The following IFT81 variants were observed in gnomAD, a reference collection of about 807,000 sequenced individuals.
IFT81 encodes intraflagellar transport protein 81 homolog.
Under a neutral mutation model 102.6 loss-of-function variants are expected in IFT81, and 72 were observed. The ratio of observed to expected loss-of-function variants is 0.70; its 90% confidence interval spans 0.58 to 0.85. The LOEUF (loss-of-function observed/expected upper bound fraction) is 0.85. IFT81 is among the 40% of genes least tolerant of loss of function. The pLI is 0.00. For missense variants in IFT81, 723 were observed against 787.3 expected (o/e 0.92, Z 0.98); for synonymous variants, 237 against 242.7 (o/e 0.98, Z 0.22).
At chr12:110,135,280 T>G (rs972395529) in intron 6 of IFT81, 47 bp from the exon 7 acceptor site, 4 of 1,238,694 alleles carry the variant, frequency 3.2e-6, no homozygotes, top group Non-Finnish European at 4.6e-6. Flanking sequence ...GCTAATTTTT[T>G]TCTTCAAACC....
Position 110,191,116 on chromosome 12 carries a change from T to C in IFT81, c.1467+68T>C, listed in dbSNP as rs1295024816. On this transcript the variant is annotated intron_variant, in intron 13 of 18. Coordinates refer to ENST00000242591, the MANE Select transcript of IFT81 (RefSeq NM_014055.4). ...GAAGGCAGGTGTTTTGTGTTAGTTT[T>C]ATTTTCAGTGAAACATTCACCTGTT... The C allele has an allele frequency of 2.9e-6, 4 of 1,379,774 alleles. No homozygotes were observed. In the East Asian group the frequency reaches 9.6e-5, roughly 33 times the overall value. 85.5% of individuals were successfully genotyped at this position (1,379,774 alleles called of 1,614,324 possible).
chr12:110,135,411 C>A lies in IFT81; in HGVS notation c.670C>A (p.Gln224Lys), dbSNP rs185633818. The change falls in exon 7 of 19, where the codon CAA becomes AAA. Residue 224 changes from glutamine to lysine, a missense_variant. Coordinates refer to ENST00000242591, the MANE Select transcript of IFT81 (RefSeq NM_014055.4). ...AAAAGAGAGAGAAGAATATCTTGCA[C>A]AACAGAAACAGGAACAAAAGAATCA... ...VEKEREEYLAQQKQEQKNQLF... is the reference protein window; with the variant it reads ...VEKEREEYLAKQKQEQKNQLF... The A allele has an allele frequency of 6.2e-7, 1 of 1,608,916 alleles. No homozygotes were observed. Among genetic ancestry groups the A allele is most frequent in the Non-Finnish European group, 8.5e-7 (1 of 1,176,334 alleles).
intron 15 of IFT81, chr12:110,204,403 T>G (rs1898459818): frequency 6.5e-6 from 1 of 154,730 alleles, no homozygotes. Flanking sequence ...GAAACCTGTT[T>G]AAAATTTTTG....
intron 10 of IFT81, 42 bp from the exon 11 acceptor site, chr12:110,162,877 A>T: frequency 6.8e-7 from 1 of 1,472,838 alleles, no homozygotes; most frequent in East Asian, 2.3e-5. Context: ...TAGAAAGTTG[A>T]TTGTATATCT....
At chr12:110,213,561 A>C (rs992516203) in intron 18 of IFT81, among the ~76,000 whole-genome samples, 11 of 152,322 alleles carry the variant, frequency 7.2e-5, no homozygotes, top group African/African-American at 2.4e-4. Flanking sequence ...GAAGTTGCAC[A>C]GTGGTAACAT....
chr12:110,143,922 A>G (rs1351077884), intron 9 of IFT81, among the ~76,000 whole-genome samples: 4 of 152,090 alleles, frequency 2.6e-5, no homozygotes, highest in Non-Finnish European at 5.9e-5. Flanking sequence ...TTATATTTAA[A>G]GCTAATATTT....
intron 10 of IFT81, among the ~76,000 whole-genome samples, chr12:110,158,371 G>A (rs1895958235): frequency 6.6e-6 from 1 of 152,120 alleles, no homozygotes; most frequent in South Asian, 2.1e-4. Flanking sequence ...ATGAGCCACT[G>A]TGCCTGGCCT....
intron 14 of IFT81, among the ~76,000 whole-genome samples, chr12:110,193,977 G>A (rs1188328341): frequency 6.6e-6 from 1 of 152,248 alleles, no homozygotes; most frequent in African/African-American, 2.4e-5. Context: ...GGAGGCCTCA[G>A]GAAGCTTACA....
Position 110,165,174 on chromosome 12 carries a change from G to A in IFT81, c.1188+2109G>A, listed in dbSNP as rs779788811. On this transcript the variant is annotated intron_variant, in intron 11 of 18. Transcript: ENST00000242591. ...CTTAATTTTTGAACAATGTCTGGTCGGAAAAGAACAAATCAAGTAAGGTAT... is the reference window on the plus strand; with the variant it reads ...CTTAATTTTTGAACAATGTCTGGTCAGAAAAGAACAAATCAAGTAAGGTAT... Among the ~76,000 whole-genome samples, 5 of 151,972 alleles carry A rather than the reference G, an allele frequency of 3.3e-5. No homozygotes were observed. In the East Asian group the frequency reaches 5.8e-4, roughly 18 times the overall value.
chr12:110,211,052 C>T lies in IFT81; in HGVS notation c.1848+1836C>T, dbSNP rs534822646. Among the ~76,000 whole-genome samples the T allele has an allele frequency of 8.8e-5, 13 of 147,716 alleles. No homozygotes were observed. The South Asian group carries it at 1.1e-3, about 12-fold the overall frequency. On this transcript the variant is annotated intron_variant, in intron 18 of 18. Coordinates refer to ENST00000242591, the MANE Select transcript of IFT81 (RefSeq NM_014055.4). ...TGTATTTTTTTTTTTTTTGTAGAGA[C>T]GGGGTTTCGCCATATTGCCCAGGCT...
At chr12:110,163,993 G>A (rs1005912472) in intron 11 of IFT81, among the ~76,000 whole-genome samples, 2 of 151,964 alleles carry the variant, frequency 1.3e-5, no homozygotes, top group African/African-American at 4.8e-5. Context: ...AGTGAAAAAC[G>A]TTAGTAGCAA....
At chr12:110,168,397 C>CGTTT (rs1896555089) in intron 11 of IFT81, 1 of 446,810 alleles carries the variant, frequency 2.2e-6, no homozygotes, top group African/African-American at 2.1e-5. Flanking sequence ...TGTGCTTAAA[C>CGTTT]AAAATGCCAT....
intron 10 of IFT81, among the ~76,000 whole-genome samples, chr12:110,151,284 T>A (rs1895511602): frequency 6.6e-6 from 1 of 152,228 alleles, no homozygotes; most frequent in Non-Finnish European, 1.5e-5. Flanking sequence ...AATATGTTAT[T>A]CCTTGTCATT....
Position 110,218,544 on chromosome 12 carries a change from A to G in IFT81, c.*318A>G, listed in dbSNP as rs1344551059. Reference sequence around the variant, plus strand: ...AACATGTAGTTTTTTTTTAGAATGTAATAACCCAGTGGCTTACTGTTTTTC... The same window carrying G: ...AACATGTAGTTTTTTTTTAGAATGTGATAACCCAGTGGCTTACTGTTTTTC... On this transcript the variant is annotated 3_prime_UTR_variant, in exon 19 of 19. Coordinates refer to ENST00000242591, the MANE Select transcript of IFT81 (RefSeq NM_014055.4). The G allele has an allele frequency of 5.5e-6, 1 of 183,304 alleles. No homozygotes were observed. The highest frequency in any genetic ancestry group is 1.1e-5 in the Non-Finnish European group (1 of 89,200). 11.4% of individuals were successfully genotyped at this position (183,304 alleles called of 1,614,324 possible). A position where few individuals can be genotyped will look rare whatever the true frequency, so the allele number is the denominator to read the frequency against.
intron 11 of IFT81, among the ~76,000 whole-genome samples, chr12:110,171,187 A>G (rs753441748): frequency 6.6e-6 from 1 of 152,224 alleles, no homozygotes; most frequent in Non-Finnish European, 1.5e-5. Flanking sequence ...AGTTCACTGT[A>G]ATAGAAGTGT....
intron 18 of IFT81, among the ~76,000 whole-genome samples, chr12:110,212,693 C>T (rs11065505): frequency 0.1 from 15,758 of 151,976 alleles, 1,163 homozygotes; most frequent in Non-Finnish European, 0.16. Flanking sequence ...AAAAAACTAG[C>T]TGGCATGGTG....
chr12:110,144,183 TTTG>T (rs920403058), intron 9 of IFT81, among the ~76,000 whole-genome samples: 25 of 151,502 alleles, frequency 1.7e-4, no homozygotes, highest in African/African-American at 5.1e-4. Flanking sequence ...CGGCTAATTT[TTTG>T]TTGTTGTTGT....
chr12:110,203,396 C>T (rs1000493395), intron 14 of IFT81: 8 of 158,442 alleles, frequency 5.0e-5, no homozygotes, highest in Admixed American at 2.4e-4. Context: ...ATACTGTCTT[C>T]CCCTTGTTCA....
intron 4 of IFT81, among the ~76,000 whole-genome samples, chr12:110,130,819 C>T (rs1021314211): frequency 6.6e-6 from 1 of 151,512 alleles, no homozygotes; most frequent in African/African-American, 2.4e-5. Flanking sequence ...AAGAGATATA[C>T]ACACACACAA....
Sources: gnomAD v4.1 joint callset for allele counts (sites outside exome capture counted in the v4.1 genomes callset) on GRCh38, gnomAD v4.1.1 for gene constraint, MANE v1.5 for transcripts, NCBI Gene and HGNC (gene_info 2026-07-23, HGNC 2026-07-21) for gene names.